Variants in HDLBP observed in about 807,000 individuals in gnomAD.
The protein encoded by HDLBP is vigilin.
A neutral mutation model predicts 137.3 loss-of-function variants in HDLBP; 30 were observed. The observed-to-expected ratio is 0.22, with a 90% CI of 0.16 to 0.30. The LOEUF (loss-of-function observed/expected upper bound fraction) is 0.30, where lower values mean the gene tolerates loss of function less well. Ranked by LOEUF, HDLBP falls within the 10% of genes least tolerant of loss-of-function variation. The pLI is 1.00. For missense variants in HDLBP, 1,119 were observed against 1,667.3 expected (o/e 0.67, Z 5.73); for synonymous variants, 606 against 596.0 (o/e 1.02, Z -0.24).
chr2:241,267,026 T>A, intron 2 of HDLBP, 120 bp from the exon 3 acceptor site: 1 of 713,924 alleles, frequency 1.4e-6, no homozygotes, highest in South Asian at 1.7e-5. Flanking sequence ...TATACCTTTT[T>A]ATTTTCCTCA....
intron 21 of HDLBP, 104 bp downstream of exon 21, chr2:241,236,511 A>C (rs1353386060): frequency 3.4e-6 from 4 of 1,172,826 alleles, no homozygotes; most frequent in Non-Finnish European, 5.0e-6. Flanking sequence ...CTCCACTGCC[A>C]CTGCCGCTTG....
In HDLBP at chr2:241,236,596, G is replaced by C; in HGVS notation, c.2904+19C>G. The C allele has an allele frequency of 6.2e-7, 1 of 1,613,014 alleles. No individual in the cohort carries two copies. Among genetic ancestry groups the C allele is most frequent in the Non-Finnish European group, 8.5e-7 (1 of 1,179,200 alleles). ...ACTGGGCCTTGGCGGGGGGTGGAGG[G>C]GGGCACATGGACACATACCTCCAGA... On this transcript the variant is annotated intron_variant, in intron 21 of 27. Coordinates refer to ENST00000310931, the MANE Select transcript of HDLBP (RefSeq NM_005336.6).
At chr2:241,263,924 T>A (rs917435996) in intron 4 of HDLBP, among the ~76,000 whole-genome samples, 11 of 151,972 alleles carry the variant, frequency 7.2e-5, no homozygotes, top group Non-Finnish European at 1.6e-4. Flanking sequence ...GACAGAAACA[T>A]CTCTGGGGTG....
At chr2:241,270,981 G>A in intron 1 of HDLBP, 1 of 985,028 alleles carries the variant, frequency 1.0e-6, no homozygotes, top group Non-Finnish European at 1.2e-6. Flanking sequence ...TACCACCAGG[G>A]ACAGGAAATT....
intron 1 of HDLBP, among the ~76,000 whole-genome samples, chr2:241,294,219 C>T (rs935648571): frequency 7.2e-5 from 11 of 152,144 alleles, no homozygotes; most frequent in African/African-American, 1.7e-4. Flanking sequence ...GTTCTGATCT[C>T]GTTAGGGACC....
At chr2:241,237,479 T>C (rs1025573059) in intron 20 of HDLBP, among the ~76,000 whole-genome samples, 6 of 152,034 alleles carry the variant, frequency 3.9e-5, no homozygotes, top group African/African-American at 1.5e-4. Context: ...GTGATGTAAA[T>C]AAATGAGCAG....
intron 16 of HDLBP, 139 bp downstream of exon 16, chr2:241,246,613 T>C (rs1282473242): frequency 3.7e-6 from 3 of 815,204 alleles, no homozygotes; most frequent in South Asian, 1.8e-5. Flanking sequence ...AACTCATCAG[T>C]AGCCTGGATT....
chr2:241,240,830 C>A lies in HDLBP; in HGVS notation c.2170-708G>T, dbSNP rs2071139663. 6.6e-6 allele frequency among the ~76,000 whole-genome samples: 1 copy of A among 152,272 alleles called. No homozygotes were observed. Among genetic ancestry groups the A allele is most frequent in the South Asian group, 2.1e-4 (1 of 4,826 alleles). The stretch of plus-strand genomic sequence containing the variant: ...GCTTCTGGCAGACCCACGCAGGGGC[C>A]CCGAGAAGGGCGCTGCTCCACGGGA... On this transcript the variant is annotated intron_variant, in intron 17 of 27. Coordinates refer to ENST00000310931, the MANE Select transcript of HDLBP (RefSeq NM_005336.6). The surrounding 1 kb of genome is among the most constrained non-coding windows in gnomAD (Gnocchi z 5.5).
At chr2:241,247,668 C>A (rs1205420928) in intron 14 of HDLBP, among the ~76,000 whole-genome samples, 1 of 152,198 alleles carries the variant, frequency 6.6e-6, no homozygotes, top group African/African-American at 2.4e-5. Flanking sequence ...CCTCATGTCA[C>A]CTGTTATACC....
intron 1 of HDLBP, among the ~76,000 whole-genome samples, chr2:241,301,043 C>G (rs1290295171): frequency 1.3e-5 from 2 of 151,256 alleles, no homozygotes; most frequent in Non-Finnish European, 2.9e-5. Context: ...GTGGTGCCAT[C>G]TCTGCTCACT....
rs2149587710 is a variant in HDLBP, at chr2:241,272,829, TCCGAGGCGCGGCGC to T, written c.-102-4302_-102-4289del. 1 of 283,540 alleles carries T rather than the reference TCCGAGGCGCGGCGC, an allele frequency of 3.5e-6. No homozygotes were observed. The highest frequency in any genetic ancestry group is 1.4e-4 in the South Asian group (1 of 7,368). The allele number at this position is 283,540 out of a possible 1,614,324, so 17.6% of individuals were successfully genotyped here. On this transcript the variant is annotated intron_variant, in intron 1 of 27. Coordinates refer to ENST00000310931, the MANE Select transcript of HDLBP (RefSeq NM_005336.6). The surrounding 1 kb of genome is among the most constrained non-coding windows in gnomAD (Gnocchi z 5.6). ...CCCCGCGCGGGAGAAGCCGGGACGC[TCCGAGGCGCGGCGC>T]CCGGGCCCCGGCTGCTATATAGGGC...
intron 5 of HDLBP, among the ~76,000 whole-genome samples, chr2:241,258,847 A>G (rs908557695): frequency 2.0e-5 from 3 of 152,200 alleles, no homozygotes; most frequent in African/African-American, 7.2e-5. Flanking sequence ...GAATGTGAAG[A>G]GCCTGGCTCT....
chr2:241,305,403 G>A (rs979915047), intron 1 of HDLBP, among the ~76,000 whole-genome samples: 35 of 152,258 alleles, frequency 2.3e-4, no homozygotes, highest in Admixed American at 5.9e-4. Flanking sequence ...GATTACAGGC[G>A]TGAACCACCG....
At chr2:241,260,156 G>A (rs992929510) in intron 5 of HDLBP, among the ~76,000 whole-genome samples, 15 of 152,078 alleles carry the variant, frequency 9.9e-5, no homozygotes, top group African/African-American at 3.4e-4. Context: ...AGCACCCACC[G>A]CCACGCCTGG....
chr2:241,286,325 A>G (rs2074807525), intron 1 of HDLBP, among the ~76,000 whole-genome samples: 1 of 152,134 alleles, frequency 6.6e-6, no homozygotes, highest in Non-Finnish European at 1.5e-5. Flanking sequence ...TTAAAAGGAA[A>G]AGTCTAGCTG....
intron 21 of HDLBP, chr2:241,236,323 C>G: frequency 6.9e-6 from 3 of 434,086 alleles, no homozygotes; most frequent in Non-Finnish European, 1.3e-5. Context: ...CCCCCTGCAG[C>G]TGAGACCCTT....
chr2:241,273,314 A>G (rs1322427911), intron 1 of HDLBP: 4 of 853,586 alleles, frequency 4.7e-6, no homozygotes, highest in Non-Finnish European at 5.6e-6. Flanking sequence ...ACTTTTATAA[A>G]CTATCCCCAC....
chr2:241,285,069 C>T (rs563525639), intron 1 of HDLBP, among the ~76,000 whole-genome samples: 4 of 152,282 alleles, frequency 2.6e-5, no homozygotes, highest in East Asian at 3.9e-4. Context: ...TTAGTAGAGG[C>T]GGGGTTTCAC....
At chr2:241,268,349 C>A in intron 2 of HDLBP, 128 bp downstream of exon 2, 1 of 515,966 alleles carries the variant, frequency 1.9e-6, no homozygotes, top group Non-Finnish European at 2.5e-6. Context: ...TCTGACGAAC[C>A]ACGAGAAACT....
Sources: gnomAD v4.1 joint callset for allele counts (sites outside exome capture counted in the v4.1 genomes callset) on GRCh38, gnomAD v4.1.1 for gene constraint, Gnocchi (gnomAD v3.1) non-coding constraint, MANE v1.5 for transcripts, NCBI Gene and HGNC (gene_info 2026-07-23, HGNC 2026-07-21) for gene names.